LDAH: variants seen among roughly 807,000 people sequenced by gnomAD.
The protein encoded by LDAH is lipid droplet associated hydrolase.
In LDAH, 26 loss-of-function variants were observed where a neutral mutation model predicts 29.6. That is an observed-to-expected ratio of 0.88 (90% confidence interval 0.64 to 1.22). The LOEUF (loss-of-function observed/expected upper bound fraction) is 1.22, where lower values mean the gene tolerates loss of function less well. Ranked by LOEUF, LDAH falls within the 50% of genes most tolerant of loss-of-function variation. LDAH has a pLI of 0.00. For synonymous variants in LDAH, 117 were observed against 133.0 expected (o/e 0.88, Z 0.83); for missense variants, 344 against 387.3 (o/e 0.89, Z 0.94).
intron 4 of LDAH, among the ~76,000 whole-genome samples, chr2:20,756,194 C>A (rs978852804): frequency 1.3e-5 from 2 of 152,046 alleles, no homozygotes; most frequent in African/African-American, 4.8e-5. Flanking sequence ...GCCACCATGC[C>A]CAGCTAATTT....
chr2:20,687,420 C>T (rs966400901), intron 6 of LDAH, among the ~76,000 whole-genome samples: 3 of 152,176 alleles, frequency 2.0e-5, no homozygotes, highest in Admixed American at 6.5e-5. Flanking sequence ...GTGAGGATGA[C>T]GAAGACAGTT....
chr2:20,769,771 A>G (rs1669277473), intron 4 of LDAH, among the ~76,000 whole-genome samples: 1 of 152,212 alleles, frequency 6.6e-6, no homozygotes, highest in Non-Finnish European at 1.5e-5. Flanking sequence ...AGGCTGAGTG[A>G]TAACAATGTC....
intron 5 of LDAH, among the ~76,000 whole-genome samples, chr2:20,734,505 G>C (rs115628619): frequency 0.028 from 4,293 of 152,106 alleles, 204 homozygotes; most frequent in African/African-American, 0.099. Context: ...TTATTACTAT[G>C]TACATATGGT....
chr2:20,822,157 C>T (rs563657881), intron 1 of LDAH, among the ~76,000 whole-genome samples: 1 of 148,506 alleles, frequency 6.7e-6, no homozygotes, highest in African/African-American at 2.5e-5. Context: ...CTGAGTCTCA[C>T]TTTGTCGCCC....
At chr2:20,732,636 G>T (rs114252369) in intron 5 of LDAH, among the ~76,000 whole-genome samples, 1,857 of 152,154 alleles carry the variant, frequency 0.012, 29 homozygotes, top group African/African-American at 0.042. Flanking sequence ...TTGAAGAATT[G>T]GTTTATTTCA....
At chr2:20,748,198 T>C (rs191295454) in intron 4 of LDAH, among the ~76,000 whole-genome samples, 1 of 152,304 alleles carries the variant, frequency 6.6e-6, no homozygotes, top group East Asian at 1.9e-4. Context: ...AAGATGGTAC[T>C]CAAGAAACTA....
At chr2:20,773,389 A>C (rs926606834) in intron 4 of LDAH, among the ~76,000 whole-genome samples, 1 of 152,162 alleles carries the variant, frequency 6.6e-6, no homozygotes, top group Non-Finnish European at 1.5e-5. Context: ...GCAACTGTGC[A>C]AGTAGAACCA....
At position 20,685,430 on chromosome 2, in the gene LDAH, G is replaced by A; in HGVS notation, c.*1473C>T. 7.5e-7 allele frequency: 1 copy of A among 1,337,314 alleles called. No homozygotes were observed. Among genetic ancestry groups the A allele is most frequent in the Non-Finnish European group, 1.0e-6 (1 of 992,112 alleles). 82.8% of individuals were successfully genotyped at this position (1,337,314 alleles called of 1,614,324 possible). Reference sequence around the variant, plus strand: ...GTGCTTACGGCCTATGTATCTATTAGCTCTTCCCCTTGGGCTAACAGCACT... The same window carrying A: ...GTGCTTACGGCCTATGTATCTATTAACTCTTCCCCTTGGGCTAACAGCACT... On this transcript the variant is annotated 3_prime_UTR_variant, in exon 7 of 7. Transcript: ENST00000237822.
rs766590029 is a variant in LDAH, at chr2:20,735,473, C to T, written c.703+4498G>A. ...CAGTTTTTTTTTAATCTTCTCTTTC[C>T]TAAGATTTTCTATCTTCTCATTAGT... On this transcript the variant is annotated intron_variant, in intron 5 of 6. Transcript: ENST00000237822. Among the ~76,000 whole-genome samples, 14 of 151,864 alleles carry T rather than the reference C, an allele frequency of 9.2e-5. No homozygotes were observed. The East Asian group carries it at 2.7e-3, about 29-fold the overall frequency.
chr2:20,732,487 G>A (rs935248663), intron 5 of LDAH, among the ~76,000 whole-genome samples: 1 of 152,076 alleles, frequency 6.6e-6, no homozygotes, highest in African/African-American at 2.4e-5. Flanking sequence ...ATTAGGTATA[G>A]TTCTTCAGTG....
chr2:20,782,356 C>T (rs1257914220), intron 3 of LDAH, among the ~76,000 whole-genome samples: 1 of 152,216 alleles, frequency 6.6e-6, no homozygotes, highest in Non-Finnish European at 1.5e-5. Flanking sequence ...ATGTTCGCTT[C>T]TGTCTATAGT....
At chr2:20,731,703 C>A (rs1315655844) in intron 5 of LDAH, among the ~76,000 whole-genome samples, 1 of 152,028 alleles carries the variant, frequency 6.6e-6, no homozygotes, top group Admixed American at 6.6e-5. Flanking sequence ...TAAAAATGTA[C>A]ATTATATTTT....
At chr2:20,738,876 G>T (rs1666987863) in intron 5 of LDAH, among the ~76,000 whole-genome samples, 1 of 152,214 alleles carries the variant, frequency 6.6e-6, no homozygotes, top group South Asian at 2.1e-4. Flanking sequence ...GAACAGGCAG[G>T]GCTGTTAACT....
At chr2:20,737,284 T>C (rs1344172161) in intron 5 of LDAH, among the ~76,000 whole-genome samples, 1 of 152,218 alleles carries the variant, frequency 6.6e-6, no homozygotes, top group Non-Finnish European at 1.5e-5. Context: ...CCATGGTTTT[T>C]AGTACTTAGC....
At chr2:20,797,977 C>T (rs1028396830) in intron 2 of LDAH, among the ~76,000 whole-genome samples, 4 of 152,148 alleles carry the variant, frequency 2.6e-5, no homozygotes, top group South Asian at 2.1e-4. Context: ...GAAAAGGTCT[C>T]GAAAATGTGG....
chr2:20,686,953 TTTCCTGGTTAAAATGGGTGATGAAAGCA>T lies in LDAH; in HGVS notation c.900_927del (p.His300GlnfsTer5). On this transcript the variant is annotated frameshift_variant, in exon 7 of 7. Transcript: ENST00000237822. LOFTEE classifies it high-confidence loss of function. ...AGGGAGTCAGCAATCATGTCTGCCATTTCCTGGTTAAAATGGGTGATGAAAGCATGAGGTATGTTTTTCTCACAGAGTC... is the reference window on the plus strand; with the variant it reads ...AGGGAGTCAGCAATCATGTCTGCCATTGAGGTATGTTTTTCTCACAGAGTC... 1 of 1,614,160 alleles carries T rather than the reference TTTCCTGGTTAAAATGGGTGATGAAAGCA, an allele frequency of 6.2e-7. No homozygotes were observed. Among genetic ancestry groups the T allele is most frequent in the Non-Finnish European group, 8.5e-7 (1 of 1,180,016 alleles).
intron 1 of LDAH, among the ~76,000 whole-genome samples, chr2:20,817,604 A>G (rs1672937109): frequency 6.6e-6 from 1 of 152,186 alleles, no homozygotes; most frequent in Admixed American, 6.5e-5. Context: ...AACAAGCTAA[A>G]GAAGTATTAA....
At chr2:20,715,097 A>G (rs1665064377) in intron 5 of LDAH, among the ~76,000 whole-genome samples, 1 of 152,216 alleles carries the variant, frequency 6.6e-6, no homozygotes, top group Non-Finnish European at 1.5e-5. Flanking sequence ...TTTTAGACCA[A>G]TATCGCTGAT....
At chr2:20,753,042 C>G (rs1177616061) in intron 4 of LDAH, among the ~76,000 whole-genome samples, 2 of 152,138 alleles carry the variant, frequency 1.3e-5, no homozygotes, top group Non-Finnish European at 2.9e-5. Flanking sequence ...AACTCATAAA[C>G]ACATGCATCA....
Sources: gnomAD v4.1 joint callset for allele counts (sites outside exome capture counted in the v4.1 genomes callset) on GRCh38, gnomAD v4.1.1 for gene constraint, MANE v1.5 for transcripts, NCBI Gene and HGNC (gene_info 2026-07-23, HGNC 2026-07-21) for gene names.